The following DENND2C variants were observed in gnomAD, a reference collection of about 807,000 sequenced individuals.
DENND2C encodes DENN domain-containing protein 2C.
DENND2C carries 72 observed loss-of-function variants against 112.4 expected under a neutral mutation model. The observed-to-expected ratio is 0.64, with a 90% CI of 0.53 to 0.78. The LOEUF (loss-of-function observed/expected upper bound fraction) is 0.78. DENND2C is among the 30% of genes least tolerant of loss of function. The pLI, the probability that DENND2C is intolerant of heterozygous loss-of-function variation, is 0.00. For missense variants in DENND2C, 992 were observed against 1,113.8 expected (o/e 0.89, Z 1.56); for synonymous variants, 329 against 381.6 (o/e 0.86, Z 1.61).
rs761404526 is a variant in DENND2C at position 114,605,035 on chromosome 1, A to T, written c.1558-4T>A. ...ACTGCTTATAGCCATGATCATCCTGAAAAAGATAACACCATAGGTGACTTA... is the reference window on the plus strand; with the variant it reads ...ACTGCTTATAGCCATGATCATCCTGTAAAAGATAACACCATAGGTGACTTA... On this transcript the variant is annotated splice_polypyrimidine_tract_variant and splice_region_variant and intron_variant, in intron 10 of 20. Transcript: ENST00000393274. 1.9e-6 allele frequency: 3 copies of T among 1,601,956 alleles called. No homozygotes were observed. The South Asian group carries it at 3.3e-5, about 18-fold the overall frequency.
At chr1:114,587,213 A>C in intron 20 of DENND2C, 174 bp downstream of exon 20, 1 of 689,318 alleles carries the variant, frequency 1.5e-6, no homozygotes, top group Non-Finnish European at 2.5e-6. Flanking sequence ...TGCCCAGCTA[A>C]TTTTAAAATT....
intron 3 of DENND2C, among the ~76,000 whole-genome samples, chr1:114,630,294 G>A (rs747096402): frequency 3.3e-5 from 5 of 151,230 alleles, no homozygotes; most frequent in Non-Finnish European, 7.4e-5. Flanking sequence ...GCGACAGAGC[G>A]AGATTCGTTC....
intron 1 of DENND2C, among the ~76,000 whole-genome samples, chr1:114,667,480 C>G (rs1428080763): frequency 6.6e-6 from 1 of 151,906 alleles, no homozygotes; most frequent in Non-Finnish European, 1.5e-5. Context: ...AAATAAGCAC[C>G]TCATATTGTT....
At chr1:114,651,103 G>A (rs909733951) in intron 2 of DENND2C, among the ~76,000 whole-genome samples, 4 of 150,168 alleles carry the variant, frequency 2.7e-5, no homozygotes, top group Non-Finnish European at 5.9e-5. Context: ...AGTGAGACTC[G>A]AGACTCCATC....
intron 3 of DENND2C, among the ~76,000 whole-genome samples, chr1:114,632,004 A>G (rs893378555): frequency 6.6e-6 from 1 of 152,204 alleles, no homozygotes; most frequent in East Asian, 1.9e-4. Flanking sequence ...TCTGAAATGA[A>G]AAATTCACTG....
At chr1:114,593,633 A>C (rs1257421545) in intron 18 of DENND2C, among the ~76,000 whole-genome samples, 1 of 152,080 alleles carries the variant, frequency 6.6e-6, no homozygotes, top group Non-Finnish European at 1.5e-5. Flanking sequence ...AAAAATAAAA[A>C]GATTAGCTAG....
rs1027921095 is a variant in DENND2C, at chr1:114,605,862, A to G, written c.1558-831T>C. Among the ~76,000 whole-genome samples, 4 of 152,186 alleles carry G rather than the reference A, an allele frequency of 2.6e-5. No homozygotes were observed. In the East Asian group the frequency reaches 7.7e-4, roughly 29 times the overall value. ...ATATAATCATTTCCTTTAGCATAGA[A>G]TCTTTGCTACCTAATTGCTGGTTTG... is the stretch of plus-strand genomic sequence containing the variant. On this transcript the variant is annotated intron_variant, in intron 10 of 20. Coordinates refer to ENST00000393274, the MANE Select transcript of DENND2C (RefSeq NM_001256404.2).
chr1:114,600,970 CA>C lies in DENND2C; in HGVS notation c.1816-11del. ...CTACTTCATCCAGAATCTATATACG[CA>C]AAGTGTTATTTTATTATGGACTAAG... On this transcript the variant is annotated splice_polypyrimidine_tract_variant and intron_variant, in intron 13 of 20. Transcript: ENST00000393274. 6.2e-7 allele frequency: 1 copy of C among 1,608,356 alleles called. No individual in the cohort carries two copies. Among genetic ancestry groups the C allele is most frequent in the Non-Finnish European group, 8.5e-7 (1 of 1,177,382 alleles).
chr1:114,658,541 G>A (rs960124588), intron 1 of DENND2C, among the ~76,000 whole-genome samples: 1 of 151,884 alleles, frequency 6.6e-6, no homozygotes, highest in Non-Finnish European at 1.5e-5. Flanking sequence ...AATGGACAAA[G>A]TATGAAGACA....
chr1:114,664,202 C>T (rs1435167926), intron 1 of DENND2C, among the ~76,000 whole-genome samples: 1 of 151,934 alleles, frequency 6.6e-6, no homozygotes. Flanking sequence ...GGCCTCCCAA[C>T]GTGCTGATTA....
rs375902521 is a variant in DENND2C at position 114,625,294 on chromosome 1, T to C, written c.691A>G (p.Arg231Gly). Residue 231 changes from arginine (R) to glycine (G), a missense_variant, in exon 4 of 21, where the codon AGA (arginine) becomes GGA (glycine). Physicochemically the swap from Arg to Gly is moderately radical, Grantham distance 125. Coordinates refer to ENST00000393274, the MANE Select transcript of DENND2C (RefSeq NM_001256404.2). ...TCACAGTATTTTTTGTCACAGTTTC[T>C]TTCTTTATACGGCGTAACACCAGAT... ...SESGVTPYKE[R>G]NCDKKYCENN... 2.1e-5 allele frequency: 34 copies of C among 1,614,098 alleles called. No individual in the cohort carries two copies. The highest frequency in any genetic ancestry group is 6.7e-5 in the Admixed American group (4 of 60,002).
Position 114,655,609 on chromosome 1 carries a change from G to A in DENND2C, c.-573-848C>T, listed in dbSNP as rs151296651. On this transcript the variant is annotated intron_variant, in intron 1 of 20. Transcript: ENST00000393274. ...AGTGATTCTTCTGCCTCAGCCTCCC[G>A]AGTAGCTGGGATTACAGGCGCCCAC... 6.5e-3 allele frequency among the ~76,000 whole-genome samples: 981 copies of A among 151,818 alleles called. 14 individuals carry two copies. The highest frequency in any genetic ancestry group is 0.022 in the African/African-American group (920 of 41,422).
At chr1:114,653,996 GTAATA>G (rs1380517791) in intron 2 of DENND2C, among the ~76,000 whole-genome samples, 6 of 152,124 alleles carry the variant, frequency 3.9e-5, no homozygotes, top group African/African-American at 1.4e-4. Context: ...AAAAGGTTGT[GTAATA>G]TAAATTAACT....
chr1:114,650,111 G>A (rs527335597), intron 2 of DENND2C, among the ~76,000 whole-genome samples: 2 of 151,152 alleles, frequency 1.3e-5, no homozygotes, highest in Middle Eastern at 3.4e-3. Flanking sequence ...CACCTGAGGT[G>A]AGGAGTTCAA....
intron 6 of DENND2C, among the ~76,000 whole-genome samples, chr1:114,622,586 A>G (rs1371134202): frequency 6.6e-6 from 1 of 152,170 alleles, no homozygotes; most frequent in Non-Finnish European, 1.5e-5. Context: ...CTACAAGGTA[A>G]TCAAATTCCC....
intron 2 of DENND2C, among the ~76,000 whole-genome samples, chr1:114,653,915 T>C (rs1025584975): frequency 4.6e-5 from 7 of 152,188 alleles, no homozygotes; most frequent in Non-Finnish European, 2.9e-5. Context: ...AAATGTACCA[T>C]GGTAAAGCCA....
At chr1:114,647,292 A>C (rs1224396657) in intron 2 of DENND2C, among the ~76,000 whole-genome samples, 5 of 151,284 alleles carry the variant, frequency 3.3e-5, no homozygotes, top group Admixed American at 2.0e-4. Context: ...AGGAAGAATT[A>C]TTTCTTTTTT....
chr1:114,596,858 C>T (rs1478429866), intron 16 of DENND2C, among the ~76,000 whole-genome samples: 3 of 151,986 alleles, frequency 2.0e-5, no homozygotes, highest in Admixed American at 6.6e-5. Context: ...CATATAAAAA[C>T]AAATGAAGCA....
intron 12 of DENND2C, 113 bp downstream of exon 12, chr1:114,602,012 C>G (rs116527596): frequency 2.0e-6 from 2 of 1,014,910 alleles, no homozygotes; most frequent in Non-Finnish European, 3.0e-6. Flanking sequence ...TTCCTTAATA[C>G]ACAGATCATT....
Sources: allele counts gnomAD v4.1 joint callset (sites outside exome capture counted in the v4.1 genomes callset), GRCh38; gene constraint gnomAD v4.1.1; transcripts MANE v1.5; gene names NCBI Gene and HGNC (gene_info 2026-07-23, HGNC 2026-07-21).